DDR2: variants seen among roughly 807,000 people sequenced by gnomAD.
The protein encoded by DDR2 is discoidin domain receptor tyrosine kinase 2, also known as discoidin domain-containing receptor 2.
Under a neutral mutation model 94.9 loss-of-function variants are expected in DDR2, and 27 were observed. That is an observed-to-expected ratio of 0.28 (90% CI 0.21 to 0.39). DDR2 has a LOEUF of 0.39. Among genes scored for constraint, DDR2 ranks in the 10% least tolerant of loss-of-function variants. The pLI is 1.00. For synonymous variants in DDR2, 382 were observed against 377.2 expected, an observed-to-expected ratio of 1.01 and a Z score of -0.15; for missense variants, 783 against 1,076.0, an observed-to-expected ratio of 0.73 and a Z score of 3.81.
rs540672999 is a variant in DDR2, at chr1:162,643,348, C to T, written c.-192+10717C>T. Among the ~76,000 whole-genome samples, 5 of 152,264 alleles carry T rather than the reference C, an allele frequency of 3.3e-5. No individual in the cohort carries two copies. In the East Asian group the frequency reaches 9.6e-4, roughly 29 times the overall value. On this transcript the variant is annotated intron_variant, in intron 1 of 17. Transcript: ENST00000367921. ...TACAAAATATATTCTAACAAAGATG[C>T]TCAGAATGTCTGGTGTTGACCTATC...
Position 162,782,722 on chromosome 1 carries a change from G to A in DDR2, c.*2476G>A, listed in dbSNP as rs1375679162. ...TTTTATGATTCTGCACCAGTTCACT[G>A]GGTTATTCTATGATTCCATATTTTT... On this transcript the variant is annotated 3_prime_UTR_variant, in exon 18 of 18. Transcript: ENST00000367921. The A allele has an allele frequency of 6.6e-6, 1 of 151,864 alleles. No homozygotes were observed. The highest frequency in any genetic ancestry group is 1.5e-5 in the Non-Finnish European group (1 of 67,994). 9.4% of individuals were successfully genotyped at this position (151,864 alleles called of 1,614,324 possible).
intron 1 of DDR2, among the ~76,000 whole-genome samples, chr1:162,642,053 C>T (rs1402885835): frequency 6.6e-6 from 1 of 152,122 alleles, no homozygotes; most frequent in Non-Finnish European, 1.5e-5. Context: ...TGGGTTCAAG[C>T]CATTCTCCAT....
At chr1:162,741,712 G>A in intron 3 of DDR2, 1 of 985,346 alleles carries the variant, frequency 1.0e-6, no homozygotes, top group South Asian at 4.7e-5. Context: ...AGTCACAAAG[G>A]GTAAGTGAAG....
At chr1:162,747,854 T>A (rs953459304) in intron 3 of DDR2, among the ~76,000 whole-genome samples, 1 of 152,150 alleles carries the variant, frequency 6.6e-6, no homozygotes, top group Non-Finnish European at 1.5e-5. Context: ...TTCAACGTTC[T>A]TAAAGAAAAG....
chr1:162,724,565 A>G (rs1039872), intron 3 of DDR2, among the ~76,000 whole-genome samples: 119,778 of 152,066 alleles, frequency 0.79, 48,720 homozygotes, highest in Non-Finnish European at 0.9. Flanking sequence ...TTCCACCAAG[A>G]CTGCTATGTG....
At chr1:162,778,461 A>G (rs909305840) in intron 16 of DDR2, 119 bp from the exon 17 acceptor site, 8 of 1,257,416 alleles carry the variant, frequency 6.4e-6, no homozygotes, top group Middle Eastern at 1.8e-4. Context: ...ACATCTTGGC[A>G]TTTTCAGAAT....
intron 2 of DDR2, among the ~76,000 whole-genome samples, chr1:162,716,605 G>C (rs1170991269): frequency 6.6e-6 from 1 of 152,012 alleles, no homozygotes; most frequent in Non-Finnish European, 1.5e-5. Flanking sequence ...TGTAGTTGTA[G>C]ATCACATACC....
intron 2 of DDR2, among the ~76,000 whole-genome samples, chr1:162,671,824 C>G (rs1468102424): frequency 6.6e-6 from 1 of 152,148 alleles, no homozygotes; most frequent in Non-Finnish European, 1.5e-5. Flanking sequence ...AATGTTATCA[C>G]AATTCGTTTT....
chr1:162,705,597 C>A lies in DDR2; in HGVS notation c.-27-13440C>A, dbSNP rs191842576. 1.2e-4 allele frequency among the ~76,000 whole-genome samples: 18 copies of A among 152,238 alleles called. No homozygotes were observed. In the East Asian group the frequency reaches 3.5e-3, roughly 29 times the overall value. On this transcript the variant is annotated intron_variant, in intron 2 of 17. Coordinates refer to ENST00000367921, the MANE Select transcript of DDR2 (RefSeq NM_006182.4). Reference sequence around the variant, plus strand: ...AACCACGGCTGGTAGATTTACAGTGCCAGGGCTGACAGGGGCCTTGGAACT... The same window carrying A: ...AACCACGGCTGGTAGATTTACAGTGACAGGGCTGACAGGGGCCTTGGAACT...
chr1:162,747,916 G>T (rs897644995), intron 3 of DDR2, among the ~76,000 whole-genome samples: 3 of 152,128 alleles, frequency 2.0e-5, no homozygotes, highest in Non-Finnish European at 2.9e-5. Flanking sequence ...CATAAGTGAA[G>T]GAGAAATAAA....
At chr1:162,753,018 T>G in intron 3 of DDR2, 77 bp from the exon 4 acceptor site, 15 of 1,240,480 alleles carry the variant, frequency 1.2e-5, no homozygotes, top group Non-Finnish European at 1.5e-5. Context: ...CAATATTCAG[T>G]GATATTCTTC....
rs74815841 is a variant in DDR2 at position 162,744,469 on chromosome 1, A to C, written c.83-8626A>C. ...TCTACCGGGTTCAACCATTTAGTCA[A>C]AAATGTTAGGATTTCTTTCTTTCTT... On this transcript the variant is annotated intron_variant, in intron 3 of 17. Transcript: ENST00000367921. Among the ~76,000 whole-genome samples, 1,446 of 152,276 alleles carry C rather than the reference A, an allele frequency of 9.5e-3. 22 individuals carry two copies. The highest frequency in any genetic ancestry group is 0.033 in the African/African-American group (1,381 of 41,540).
intron 2 of DDR2, among the ~76,000 whole-genome samples, chr1:162,693,412 T>C (rs1660045387): frequency 6.6e-6 from 1 of 152,228 alleles, no homozygotes; most frequent in Non-Finnish European, 1.5e-5. Flanking sequence ...CCTTTGTGTT[T>C]TTCTTTTGAC....
Position 162,780,532 on chromosome 1 carries a change from T to C in DDR2, c.*286T>C. The C allele has an allele frequency of 2.6e-6, 1 of 378,280 alleles. No individual in the cohort carries two copies. The highest frequency in any genetic ancestry group is 4.8e-6 in the Non-Finnish European group (1 of 208,284). The allele number at this position is 378,280 out of a possible 1,614,324, so 23.4% of individuals were successfully genotyped here. A position where few individuals can be genotyped will look rare whatever the true frequency, so the allele number is the denominator to read the frequency against. The stretch of plus-strand genomic sequence containing the variant: ...TACCAAAGTGTTGGATAACAAAGGC[T>C]AGAAAATTCAGATAATTTATAAAGG... On this transcript the variant is annotated 3_prime_UTR_variant, in exon 18 of 18. Transcript: ENST00000367921.
At chr1:162,642,687 A>G (rs547852722) in intron 1 of DDR2, among the ~76,000 whole-genome samples, 1 of 152,144 alleles carries the variant, frequency 6.6e-6, no homozygotes, top group Admixed American at 6.5e-5. Context: ...GACTACAGGC[A>G]GTGCTGGTGT....
At chr1:162,726,870 A>G (rs909181885) in intron 3 of DDR2, among the ~76,000 whole-genome samples, 2 of 152,038 alleles carry the variant, frequency 1.3e-5, no homozygotes, top group East Asian at 3.9e-4. Context: ...GCTGCTTCAC[A>G]TATTTGCTTA....
At chr1:162,675,855 CTG>C (rs1322525589) in intron 2 of DDR2, among the ~76,000 whole-genome samples, 2 of 152,118 alleles carry the variant, frequency 1.3e-5, no homozygotes, top group Non-Finnish European at 2.9e-5. Context: ...GGAAGGGTAA[CTG>C]AACATTTTGA....
chr1:162,687,150 C>T (rs765794903), intron 2 of DDR2, among the ~76,000 whole-genome samples: 24 of 152,166 alleles, frequency 1.6e-4, no homozygotes, highest in Non-Finnish European at 2.6e-4. Context: ...TGTCCAGCCT[C>T]GCTGTGTTTC....
chr1:162,633,828 C>A (rs1229862756), intron 1 of DDR2, among the ~76,000 whole-genome samples: 3 of 152,192 alleles, frequency 2.0e-5, no homozygotes, highest in African/African-American at 7.2e-5. Context: ...ATTTTCTATG[C>A]AGCAGGCTCA....
Sources: allele counts gnomAD v4.1 joint callset (sites outside exome capture counted in the v4.1 genomes callset), GRCh38; gene constraint gnomAD v4.1.1; transcripts MANE v1.5; gene names NCBI Gene and HGNC (gene_info 2026-07-23, HGNC 2026-07-21).